Variants in DPYSL2 observed in about 807,000 individuals in gnomAD.
DPYSL2 encodes the protein dihydropyrimidinase like 2.
In DPYSL2, 13 loss-of-function variants were observed where a neutral mutation model predicts 69.9. The ratio of observed to expected loss-of-function variants is 0.19; its 90% CI spans 0.12 to 0.30. DPYSL2 has a LOEUF of 0.30. Among genes scored for constraint, DPYSL2 ranks in the 10% least tolerant of loss-of-function variants. The probability of loss-of-function intolerance (pLI) is 1.00; values close to 1 mark genes in which losing one functional copy is unlikely to be tolerated. For synonymous variants in DPYSL2, 326 were observed against 359.1 expected, an observed-to-expected ratio of 0.91 and a Z score of 1.04; for missense variants, 587 against 918.9, an observed-to-expected ratio of 0.64 and a Z score of 4.67.
chr8:26,629,291 G>C (rs1802685721), intron 7 of DPYSL2, among the ~76,000 whole-genome samples: 1 of 151,676 alleles, frequency 6.6e-6, no homozygotes, highest in African/African-American at 2.4e-5. Context: ...CAGACAGCTA[G>C]ACACAGCCAT....
chr8:26,584,079 C>T, intron 3 of DPYSL2, 96 bp downstream of exon 3: 1 of 1,284,228 alleles, frequency 7.8e-7, no homozygotes, highest in East Asian at 2.4e-5. Flanking sequence ...AACTTGCTGT[C>T]CTGAGCCACA....
chr8:26,557,237 C>T (rs1801003344), intron 1 of DPYSL2, among the ~76,000 whole-genome samples: 1 of 26,872 alleles, frequency 3.7e-5, no homozygotes, highest in Admixed American at 4.2e-4. Context: ...GTGAAAGACA[C>T]AGTCAAGAGA....
In DPYSL2 at chr8:26,587,946, G is replaced by A. The variant is rs980614387; in HGVS notation, c.628+3963G>A. ...CTTGCCAACACTTACCCTGTGCGTC[G>A]GTGCAGGTGGCCAGGTGTGGAACAT... On this transcript the variant is annotated intron_variant, in intron 3 of 13. Transcript: ENST00000521913. This position sits in a 1 kb window ranked among gnomAD's most constrained non-coding sequence, Gnocchi z 4.2. Among the ~76,000 whole-genome samples, 1 of 152,132 alleles carries A rather than the reference G, an allele frequency of 6.6e-6. No individual in the cohort carries two copies. The highest frequency in any genetic ancestry group is 2.4e-5 in the African/African-American group (1 of 41,434).
chr8:26,514,213 C>A lies in DPYSL2; in HGVS notation c.-113C>A. On this transcript the variant is annotated 5_prime_UTR_variant, in exon 1 of 14. Coordinates refer to ENST00000521913, the MANE Select transcript of DPYSL2 (RefSeq NM_001197293.3). The surrounding 1 kb of genome is among the most constrained non-coding windows in gnomAD (Gnocchi z 8.4). Reference sequence around the variant, plus strand: ...TCCTTTCTGTGCACCTTGCGGTGGGCGGCGAACGGCAGCCGCGGCAGCAGC... The same window carrying A: ...TCCTTTCTGTGCACCTTGCGGTGGGAGGCGAACGGCAGCCGCGGCAGCAGC... The A allele has an allele frequency of 1.0e-6, 1 of 969,418 alleles. No homozygotes were observed. Among genetic ancestry groups the A allele is most frequent in the Non-Finnish European group, 1.4e-6 (1 of 710,450 alleles). 60.1% of individuals were successfully genotyped at this position (969,418 alleles called of 1,614,324 possible).
Position 26,582,178 on chromosome 8 carries a change from T to C in DPYSL2, c.443+121T>C, listed in dbSNP as rs1801506772. 1.3e-6 allele frequency: 1 copy of C among 754,018 alleles called. No individual in the cohort carries two copies. The highest frequency in any genetic ancestry group is 2.7e-5 in the East Asian group (1 of 37,202). The allele number at this position is 754,018 out of a possible 1,614,324, so 46.7% of individuals were successfully genotyped here. A position where few individuals can be genotyped will look rare whatever the true frequency, so the allele number is the denominator to read the frequency against. ...ACATCAGAGAGTGACCAACTTAGTA[T>C]CTGTTTTAAACTGGTTTTGATTGGT... On this transcript the variant is annotated intron_variant, in intron 2 of 13. Coordinates refer to ENST00000521913, the MANE Select transcript of DPYSL2 (RefSeq NM_001197293.3). The surrounding 1 kb of genome is among the most constrained non-coding windows in gnomAD (Gnocchi z 4.1).
intron 1 of DPYSL2, among the ~76,000 whole-genome samples, chr8:26,521,270 C>A (rs1350566892): frequency 1.3e-5 from 2 of 152,168 alleles, no homozygotes; most frequent in Non-Finnish European, 2.9e-5. Flanking sequence ...TGCAGATAAC[C>A]TGCATGGGCT....
At chr8:26,602,292 ATTTTATATAAAAAT>A (rs949933591) in intron 3 of DPYSL2, among the ~76,000 whole-genome samples, 8 of 151,446 alleles carry the variant, frequency 5.3e-5, no homozygotes, top group Non-Finnish European at 1.2e-4. Flanking sequence ...TTTTTTTTTA[ATTTTATATAAAAAT>A]TCTCCTGTTT....
At chr8:26,584,599 C>T (rs1277693583) in intron 3 of DPYSL2, among the ~76,000 whole-genome samples, 1 of 149,812 alleles carries the variant, frequency 6.7e-6, no homozygotes, top group Non-Finnish European at 1.5e-5. Context: ...ACGTATTGCT[C>T]CAAGGGCTTT....
At chr8:26,527,804 CTTTTT>C (rs34631984) in intron 1 of DPYSL2, among the ~76,000 whole-genome samples, 1 of 132,720 alleles carries the variant, frequency 7.5e-6, no homozygotes, top group African/African-American at 2.8e-5. Context: ...TTTGTTTATC[CTTTTT>C]TTTTTTTTTT....
At chr8:26,604,076 G>T (rs567700954) in intron 3 of DPYSL2, among the ~76,000 whole-genome samples, 48 of 152,246 alleles carry the variant, frequency 3.2e-4, no homozygotes, top group African/African-American at 1.1e-3. Context: ...GGGTTACTGT[G>T]CAGCTTAAAT....
chr8:26,514,176 G>A lies in DPYSL2; in HGVS notation c.-150G>A, dbSNP rs913117360. ...GACCGGGAGGGTGGGTCGCCGGCTC[G>A]CCAGCCCTCCTTCCTTTCTGTGCAC... On this transcript the variant is annotated 5_prime_UTR_variant, in exon 1 of 14. Coordinates refer to ENST00000521913, the MANE Select transcript of DPYSL2 (RefSeq NM_001197293.3). This position sits in a 1 kb window ranked among gnomAD's most constrained non-coding sequence, Gnocchi z 8.4. 7 of 615,542 alleles carry A rather than the reference G, an allele frequency of 1.1e-5. No individual in the cohort carries two copies. The highest frequency in any genetic ancestry group is 1.5e-5 in the Non-Finnish European group (6 of 411,574). The allele number at this position is 615,542 out of a possible 1,614,324, so 38.1% of individuals were successfully genotyped here. A position where few individuals can be genotyped will look rare whatever the true frequency, so the allele number is the denominator to read the frequency against.
chr8:26,628,747 G>A (rs988019109), intron 7 of DPYSL2, among the ~76,000 whole-genome samples: 2 of 152,146 alleles, frequency 1.3e-5, no homozygotes, highest in African/African-American at 2.4e-5. Context: ...GCCGAGCAGT[G>A]GGGGAAGATC....
At chr8:26,575,172 T>C (rs1801307519) in intron 1 of DPYSL2, among the ~76,000 whole-genome samples, 1 of 152,210 alleles carries the variant, frequency 6.6e-6, no homozygotes, top group Non-Finnish European at 1.5e-5. Context: ...GTATTTTTTG[T>C]AGAGACGGGG....
rs1801458861 is a variant in DPYSL2 at position 26,580,142 on chromosome 8, G to A, written c.355-1827G>A. On this transcript the variant is annotated intron_variant, in intron 1 of 13. Coordinates refer to ENST00000521913, the MANE Select transcript of DPYSL2 (RefSeq NM_001197293.3). The surrounding 1 kb of genome is among the most constrained non-coding windows in gnomAD (Gnocchi z 4.1). Reference sequence around the variant, plus strand: ...GTTGGCTCGGGATATTCGCGGTGATGGCTGGGGCAGGTACCACAGTGACTG... The same window carrying A: ...GTTGGCTCGGGATATTCGCGGTGATAGCTGGGGCAGGTACCACAGTGACTG... Among the ~76,000 whole-genome samples, 1 of 152,068 alleles carries A rather than the reference G, an allele frequency of 6.6e-6. No homozygotes were observed. The highest frequency in any genetic ancestry group is 2.4e-5 in the African/African-American group (1 of 41,384).
At position 26,538,371 on chromosome 8, in the gene DPYSL2, C is replaced by T. The variant is rs78385725; in HGVS notation, c.354+23692C>T. ...GTGGAGCATGAAAACTGAGGATGAC[C>T]ACATAGAAAAGTGTAGGAAGCATTT... is the stretch of plus-strand genomic sequence containing the variant. On this transcript the variant is annotated intron_variant, in intron 1 of 13. Transcript: ENST00000521913. 6.9e-3 allele frequency among the ~76,000 whole-genome samples: 1,052 copies of T among 152,202 alleles called. 3 individuals carry two copies. The highest frequency in any genetic ancestry group is 0.011 in the Non-Finnish European group (742 of 67,990).
chr8:26,607,415 G>A (rs1802129889), intron 3 of DPYSL2, among the ~76,000 whole-genome samples: 2 of 151,374 alleles, frequency 1.3e-5, no homozygotes, highest in African/African-American at 4.9e-5. Context: ...CCTGAGAGGT[G>A]GAGGTTACAG....
intron 1 of DPYSL2, chr8:26,577,167 G>C: frequency 4.5e-6 from 2 of 446,412 alleles, no homozygotes; most frequent in South Asian, 1.6e-5. Flanking sequence ...CTCATTTCCT[G>C]CAGCCCGGCG....
chr8:26,549,225 T>TA (rs1554534403), intron 1 of DPYSL2, among the ~76,000 whole-genome samples: 1 of 150,580 alleles, frequency 6.6e-6, no homozygotes, highest in South Asian at 2.1e-4. Flanking sequence ...ATAATAATAA[T>TA]AATCAAAAGG....
At chr8:26,521,466 A>G (rs562309177) in intron 1 of DPYSL2, among the ~76,000 whole-genome samples, 5 of 114,884 alleles carry the variant, frequency 4.4e-5, no homozygotes, top group African/African-American at 1.3e-4. Flanking sequence ...TATGCTGCCC[A>G]TGGCTGTTCT....
Sources: allele counts gnomAD v4.1 joint callset (sites outside exome capture counted in the v4.1 genomes callset), GRCh38; gene constraint gnomAD v4.1.1; non-coding constraint Gnocchi (gnomAD v3.1); transcripts MANE v1.5; gene names NCBI Gene and HGNC (gene_info 2026-07-23, HGNC 2026-07-21).